The following SACS variants were observed in gnomAD, a reference collection of about 807,000 sequenced individuals.
SACS encodes the protein sacsin.
Under a neutral mutation model 348.0 loss-of-function variants are expected in SACS, and 197 were observed. That is an observed-to-expected ratio of 0.57 (90% confidence interval 0.50 to 0.64). The LOEUF is 0.64. SACS is among the 30% of genes least tolerant of loss of function. SACS has a pLI of 0.00. For missense variants in SACS, 4,999 were observed against 5,360.8 expected (o/e 0.93, Z 2.11); for synonymous variants, 1,985 against 1,910.6 (o/e 1.04, Z -1.02).
intron 1 of SACS, among the ~76,000 whole-genome samples, chr13:23,412,199 C>CA (rs1243875100): frequency 3.3e-5 from 5 of 152,062 alleles, no homozygotes; most frequent in Non-Finnish European, 7.4e-5. Flanking sequence ...GTGGAGCTTG[C>CA]AGTGAGCCAA....
chr13:23,349,027 G>GC (rs1221738618), intron 9 of SACS, among the ~76,000 whole-genome samples: 1 of 152,206 alleles, frequency 6.6e-6, no homozygotes, highest in African/African-American at 2.4e-5. Context: ...CAAAATCATG[G>GC]AAGTTTACAA....
rs1329688720 is a variant in SACS, at chr13:23,339,297, T to G, written c.4579A>C (p.Asn1527His). ...AAATCTGAATCTGAGAATTGAGAATTGTTGAATGACCACAAAGCAGGTCCA... is the reference window on the plus strand; with the variant it reads ...AAATCTGAATCTGAGAATTGAGAATGGTTGAATGACCACAAAGCAGGTCCA... ...CHGPALWSFN[N>H]SQFSDSDFVN... is the part of the protein sequence containing the mutation. Residue 1527 changes from asparagine (N) to histidine (H), a missense_variant, in exon 10 of 10, where the codon AAT (asparagine) becomes CAT (histidine). Physicochemically the swap from Asn to His is moderately conservative, Grantham distance 68. Transcript: ENST00000382292. 6.2e-7 allele frequency: 1 copy of G among 1,608,194 alleles called. No individual in the cohort carries two copies. The highest frequency in any genetic ancestry group is 8.5e-7 in the Non-Finnish European group (1 of 1,177,488).
intron 1 of SACS, among the ~76,000 whole-genome samples, chr13:23,425,680 C>T (rs1409120217): frequency 3.9e-5 from 6 of 152,050 alleles, no homozygotes; most frequent in Non-Finnish European, 7.4e-5. Context: ...GTGGGGAAGG[C>T]GCCATTTTTG....
intron 8 of SACS, among the ~76,000 whole-genome samples, chr13:23,354,085 T>C (rs1006142204): frequency 6.6e-6 from 1 of 152,264 alleles, no homozygotes; most frequent in African/African-American, 2.4e-5. Context: ...TTTACTCAAA[T>C]TCAGAAATAT....
At chr13:23,390,496 C>T (rs1030604658) in intron 2 of SACS, among the ~76,000 whole-genome samples, 8 of 151,952 alleles carry the variant, frequency 5.3e-5, no homozygotes, top group Non-Finnish European at 8.8e-5. Flanking sequence ...CTCGTCTCTA[C>T]AAAAAATATA....
At chr13:23,431,106 T>C (rs1012304176) in intron 1 of SACS, among the ~76,000 whole-genome samples, 2 of 152,242 alleles carry the variant, frequency 1.3e-5, no homozygotes, top group Non-Finnish European at 2.9e-5. Context: ...GCCTGTTTCA[T>C]AAGGCTATTG....
intron 4 of SACS, among the ~76,000 whole-genome samples, chr13:23,370,700 C>T (rs1048406975): frequency 6.6e-6 from 1 of 152,186 alleles, no homozygotes; most frequent in Non-Finnish European, 1.5e-5. Context: ...CGGTGGCTCA[C>T]GCCTGTAATC....
rs1883457103 is a variant in SACS at position 23,331,258 on chromosome 13, A to G, written c.12618T>C (p.Ile4206=). The change falls in exon 10 of 10, where the codon ATT becomes ATC. Residue 4206 remains isoleucine, a synonymous_variant. Transcript: ENST00000382292. ...CATCTTCTCTTTCAACTTCTTGTAC[A>G]ATAATTGCATATGTGTATGTTGGCT... ...SYQPTYTYAI[I]VQEVEREDAD... 6.2e-7 allele frequency: 1 copy of G among 1,614,028 alleles called. No individual in the cohort carries two copies. The highest frequency in any genetic ancestry group is 8.5e-7 in the Non-Finnish European group (1 of 1,179,894).
At chr13:23,371,191 T>G in intron 3 of SACS, 26 bp from the exon 4 acceptor site, 1 of 1,467,198 alleles carries the variant, frequency 6.8e-7, no homozygotes, top group Middle Eastern at 1.8e-4. Context: ...AGAAAATGTA[T>G]GAAAAGCAAT....
chr13:23,352,676 G>C (rs2137702257), intron 9 of SACS, among the ~76,000 whole-genome samples: 1 of 152,090 alleles, frequency 6.6e-6, no homozygotes, highest in South Asian at 2.1e-4. Context: ...TTAGAGCAAA[G>C]ATTGGCAGGC....
chr13:23,372,486 CAG>C (rs1282065374), intron 3 of SACS, among the ~76,000 whole-genome samples: 3 of 152,182 alleles, frequency 2.0e-5, no homozygotes, highest in Admixed American at 6.6e-5. Context: ...CACTATCTAG[CAG>C]AGACTTTAGA....
In SACS at chr13:23,335,121, C is replaced by T; in HGVS notation, c.8755G>A (p.Ala2919Thr). The T allele has an allele frequency of 8.7e-6, 14 of 1,613,846 alleles. No individual in the cohort carries two copies. Among genetic ancestry groups the T allele is most frequent in the Non-Finnish European group, 1.2e-5 (14 of 1,179,844 alleles). ...ATTAGCAATTCAACATATGCAGGAG[C>T]TATTAATGCTGTCATTAAACTGTTA... ...WNNSLMTALIAPAYVELLIQL... is the reference protein window; with the variant it reads ...WNNSLMTALITPAYVELLIQL... Residue 2919 changes from alanine to threonine, a missense_variant, in exon 10 of 10, where the codon GCT becomes ACT. Around this residue, in one of 6 missense-constraint regions of SACS, gnomAD observed 734 missense variants for 694.0 expected, o/e 1.06. Transcript: ENST00000382292. This position sits in a 1 kb window ranked among gnomAD's most constrained non-coding sequence, Gnocchi z 4.7.
chr13:23,331,287 A>G lies in SACS; in HGVS notation c.12589T>C (p.Tyr4197His), dbSNP rs369978744. ...DAEGGDIYGSYQPTYTYAIIV... is the reference protein window; with the variant it reads ...DAEGGDIYGSHQPTYTYAIIV... ...ATTGCATATGTGTATGTTGGCTGGT[A>G]TGATCCATAGATATCACCACCTTCA... Residue 4197 changes from tyrosine to histidine, a missense_variant, in exon 10 of 10, where the codon TAC (tyrosine) becomes CAC (histidine). Physicochemically the swap from Tyr to His is moderately conservative, Grantham distance 83 (BLOSUM62 2). Transcript: ENST00000382292. 9.9e-6 allele frequency: 16 copies of G among 1,613,844 alleles called. No homozygotes were observed. In the African/African-American group the frequency reaches 2.0e-4, roughly 20 times the overall value.
chr13:23,336,552 CTTGT>C lies in SACS; in HGVS notation c.7320_7323del (p.Gln2441AsnfsTer33). The C allele has an allele frequency of 6.2e-7, 1 of 1,613,758 alleles. No individual in the cohort carries two copies. The highest frequency in any genetic ancestry group is 8.5e-7 in the Non-Finnish European group (1 of 1,179,822). Reference sequence around the variant, plus strand: ...TTGCCATAATTTTTCTCACAAAATTCTTGTTTCTTTTCTCTAATGAGACTCCATA... The same window carrying C: ...TTGCCATAATTTTTCTCACAAAATTCTTCTTTTCTCTAATGAGACTCCATA... On this transcript the variant is annotated frameshift_variant, in exon 10 of 10. Coordinates refer to ENST00000382292, the MANE Select transcript of SACS (RefSeq NM_014363.6). LOFTEE classifies it high-confidence loss of function.
At chr13:23,392,416 G>A (rs190034977) in intron 2 of SACS, among the ~76,000 whole-genome samples, 6 of 152,282 alleles carry the variant, frequency 3.9e-5, no homozygotes, top group East Asian at 3.9e-4. Context: ...TTCCTAGAAC[G>A]CCTGTGAAAT....
rs776751304 is a variant in SACS, at chr13:23,330,441, G to A, written c.13435C>T (p.Leu4479Phe). ...ANEWVCFKCY[L>F]STKLALIAAD... is the part of the protein sequence containing the mutation. ...GCAATCAAAGCTAACTTGGTAGAAA[G>A]GTAACATTTAAAGCACACCCACTCA... The change falls in exon 10 of 10, where the codon CTT becomes TTT. Residue 4479 changes from leucine to phenylalanine, a missense_variant. Transcript: ENST00000382292. The A allele has an allele frequency of 2.5e-6, 4 of 1,614,022 alleles. No individual in the cohort carries two copies. The highest frequency in any genetic ancestry group is 3.4e-6 in the Non-Finnish European group (4 of 1,180,012).
At chr13:23,415,935 T>C (rs879379090) in intron 1 of SACS, among the ~76,000 whole-genome samples, 2 of 152,148 alleles carry the variant, frequency 1.3e-5, no homozygotes, top group African/African-American at 2.4e-5. Flanking sequence ...AATGATTTCA[T>C]CCAGAAGGAA....
chr13:23,413,881 T>TTAATA (rs1873598226), intron 1 of SACS, among the ~76,000 whole-genome samples: 1 of 152,210 alleles, frequency 6.6e-6, no homozygotes, highest in African/African-American at 2.4e-5. Flanking sequence ...AGGAACTATA[T>TTAATA]TAGCAAGAGG....
At position 23,338,974 on chromosome 13, in the gene SACS, T is replaced by G. The variant is rs1868930693; in HGVS notation, c.4902A>C (p.Glu1634Asp). The part of the protein sequence containing the change: ...VFGCQLPLTV[E>D]APYSYNGTLF... ...GGGTTCCATTATAGCTGTAAGGTGC[T>G]TCTACAGTCAAAGGTAACTGACAGC... Residue 1634 changes from glutamate (E) to aspartate (D), a missense_variant, in exon 10 of 10, where the codon GAA becomes GAC. By Grantham distance (45) the Glu-to-Asp change is conservative. Coordinates refer to ENST00000382292, the MANE Select transcript of SACS (RefSeq NM_014363.6). 6.2e-7 allele frequency: 1 copy of G among 1,613,870 alleles called. No individual in the cohort carries two copies. Among genetic ancestry groups the G allele is most frequent in the Non-Finnish European group, 8.5e-7 (1 of 1,179,972 alleles).
Sources: gnomAD v4.1 joint callset for allele counts (sites outside exome capture counted in the v4.1 genomes callset) on GRCh38, gnomAD v4.1.1 for gene constraint, gnomAD v4.1.1 regional missense constraint, Gnocchi (gnomAD v3.1) non-coding constraint, MANE v1.5 for transcripts, NCBI Gene and HGNC (gene_info 2026-07-23, HGNC 2026-07-21) for gene names.